The following GRID2 variants were observed in gnomAD, a reference collection of about 807,000 sequenced individuals.
The protein encoded by GRID2 is glutamate ionotropic receptor delta type subunit 2, also known as glutamate receptor ionotropic, delta-2.
GRID2 carries 33 observed loss-of-function variants against 114.8 expected under a neutral mutation model. The observed-to-expected ratio is 0.29, with a 90% CI of 0.22 to 0.38. The LOEUF (loss-of-function observed/expected upper bound fraction) is 0.38. Ranked by LOEUF, GRID2 falls within the 10% of genes least tolerant of loss-of-function variation. The pLI, the probability that GRID2 is intolerant of heterozygous loss-of-function variation, is 1.00. For missense variants in GRID2, 1,184 were observed against 1,257.7 expected (o/e 0.94, Z 0.89); for synonymous variants, 505 against 449.9 (o/e 1.12, Z -1.55).
At chr4:93,024,741 G>A (rs957436365) in intron 2 of GRID2, among the ~76,000 whole-genome samples, 5 of 151,678 alleles carry the variant, frequency 3.3e-5, no homozygotes, top group Non-Finnish European at 4.4e-5. Context: ...AAAGTACTTA[G>A]GTAGTATTAA....
At chr4:93,068,795 T>C (rs1728545899) in intron 2 of GRID2, among the ~76,000 whole-genome samples, 1 of 152,036 alleles carries the variant, frequency 6.6e-6, no homozygotes, top group Non-Finnish European at 1.5e-5. Flanking sequence ...TTTATATACA[T>C]CCATGTATTA....
At chr4:92,753,448 T>A (rs943207636) in intron 2 of GRID2, among the ~76,000 whole-genome samples, 2 of 152,174 alleles carry the variant, frequency 1.3e-5, no homozygotes, top group Non-Finnish European at 2.9e-5. Flanking sequence ...CCAGTTAATG[T>A]GCATAAGCAA....
At chr4:92,817,155 C>T (rs1344555231) in intron 2 of GRID2, among the ~76,000 whole-genome samples, 1 of 152,088 alleles carries the variant, frequency 6.6e-6, no homozygotes, top group South Asian at 2.1e-4. Context: ...TTTTAAAATT[C>T]AATTTAGTAT....
chr4:92,401,391 A>G (rs772007943), intron 1 of GRID2, among the ~76,000 whole-genome samples: 5 of 152,132 alleles, frequency 3.3e-5, no homozygotes, highest in Non-Finnish European at 7.4e-5. Context: ...TAATGTTAGG[A>G]GCTGGTTTTT....
chr4:93,343,094 T>A (rs2149249050), intron 8 of GRID2, among the ~76,000 whole-genome samples: 1 of 152,022 alleles, frequency 6.6e-6, no homozygotes, highest in Admixed American at 6.6e-5. Flanking sequence ...TAAAGTGAGT[T>A]CTTGCCTTTC....
intron 11 of GRID2, among the ~76,000 whole-genome samples, chr4:93,478,210 T>C (rs1725502702): frequency 6.6e-6 from 1 of 152,112 alleles, no homozygotes; most frequent in South Asian, 2.1e-4. Context: ...TGTAATAAAA[T>C]TCAATTTAGT....
At chr4:93,523,739 A>G (rs1159258628) in intron 13 of GRID2, among the ~76,000 whole-genome samples, 2 of 152,212 alleles carry the variant, frequency 1.3e-5, no homozygotes, top group South Asian at 2.1e-4. Context: ...GCTAACAGCA[A>G]TCTCACCAGC....
chr4:93,323,657 T>C (rs967082492), intron 8 of GRID2, among the ~76,000 whole-genome samples: 14 of 152,210 alleles, frequency 9.2e-5, no homozygotes, highest in African/African-American at 3.4e-4. Flanking sequence ...ATTTTCATGA[T>C]ATTGATTCTT....
intron 4 of GRID2, among the ~76,000 whole-genome samples, chr4:93,183,425 A>C (rs1346381686): frequency 6.6e-6 from 1 of 152,192 alleles, no homozygotes; most frequent in Non-Finnish European, 1.5e-5. Context: ...ATTGACCCTC[A>C]ATCAATAGAT....
chr4:92,675,812 C>T (rs1422705519), intron 2 of GRID2, among the ~76,000 whole-genome samples: 1 of 152,032 alleles, frequency 6.6e-6, no homozygotes, highest in Non-Finnish European at 1.5e-5. Context: ...CCTCAGCCTC[C>T]CAAAGTGCTG....
intron 1 of GRID2, among the ~76,000 whole-genome samples, chr4:92,310,485 C>G (rs1301022601): frequency 2.0e-5 from 3 of 151,770 alleles, no homozygotes; most frequent in African/African-American, 7.3e-5. Flanking sequence ...CTAAACAGTT[C>G]TGGAATTGAT....
rs187455799 is a variant in GRID2 at position 93,407,521 on chromosome 4, G to A, written c.1347+11813G>A. 7.8e-4 allele frequency among the ~76,000 whole-genome samples: 119 copies of A among 152,186 alleles called. 1 individual carries two copies. Among genetic ancestry groups the A allele is most frequent in the Non-Finnish European group, 1.8e-4 (12 of 68,008 alleles). On this transcript the variant is annotated intron_variant, in intron 9 of 15. Coordinates refer to ENST00000282020, the MANE Select transcript of GRID2 (RefSeq NM_001510.4). Reference sequence around the variant, plus strand: ...ACAGCATCTCCAGGTAAACTTCCAAGTATTATGTTAGCCTGGATAGAAACA... The same window carrying A: ...ACAGCATCTCCAGGTAAACTTCCAAATATTATGTTAGCCTGGATAGAAACA...
At chr4:93,356,243 T>C (rs755936447) in intron 8 of GRID2, among the ~76,000 whole-genome samples, 1 of 152,062 alleles carries the variant, frequency 6.6e-6, no homozygotes, top group African/African-American at 2.4e-5. Context: ...TTTGTCCCTC[T>C]GCCATTGTTA....
chr4:93,431,047 A>T (rs1327055113), intron 10 of GRID2, among the ~76,000 whole-genome samples: 1 of 152,218 alleles, frequency 6.6e-6, no homozygotes, highest in Non-Finnish European at 1.5e-5. Flanking sequence ...GAAATCAGAG[A>T]TAAAAAGGAG....
intron 2 of GRID2, among the ~76,000 whole-genome samples, chr4:93,013,029 A>G (rs1338211577): frequency 6.6e-6 from 1 of 152,070 alleles, no homozygotes; most frequent in African/African-American, 2.4e-5. Flanking sequence ...TTTTATGCAT[A>G]ATTACTTACC....
chr4:93,246,332 A>C (rs1334819668), intron 8 of GRID2, among the ~76,000 whole-genome samples: 1 of 152,144 alleles, frequency 6.6e-6, no homozygotes, highest in Non-Finnish European at 1.5e-5. Flanking sequence ...TCACACCTGT[A>C]ATCCCATCAC....
At chr4:93,551,302 G>A (rs533226056) in intron 13 of GRID2, among the ~76,000 whole-genome samples, 54 of 152,270 alleles carry the variant, frequency 3.5e-4, no homozygotes, top group Non-Finnish European at 7.4e-5. Context: ...AGGTTTTGGG[G>A]ATGGAGGTTA....
chr4:92,884,989 G>A (rs977798092), intron 2 of GRID2: 5 of 294,184 alleles, frequency 1.7e-5, no homozygotes, highest in Non-Finnish European at 3.4e-5. Context: ...AGGTGTATAG[G>A]ATTAATTACT....
intron 1 of GRID2, among the ~76,000 whole-genome samples, chr4:92,393,764 A>C (rs533292978): frequency 2.0e-5 from 3 of 152,268 alleles, no homozygotes; most frequent in East Asian, 1.9e-4. Flanking sequence ...ATTAGCCAGA[A>C]GTTTTCTGAA....
Sources: gnomAD v4.1 joint callset for allele counts (sites outside exome capture counted in the v4.1 genomes callset) on GRCh38, gnomAD v4.1.1 for gene constraint, MANE v1.5 for transcripts, NCBI Gene and HGNC (gene_info 2026-07-23, HGNC 2026-07-21) for gene names.